Variants in STK32B observed in about 807,000 individuals in gnomAD.
STK32B encodes serine/threonine kinase 32B.
Under a neutral mutation model 52.6 loss-of-function variants are expected in STK32B, and 43 were observed. The observed-to-expected ratio is 0.82, with a 90% CI of 0.64 to 1.05. STK32B has a LOEUF of 1.05. Among genes scored for constraint, STK32B ranks in the 50% least tolerant of loss-of-function variants. The probability of loss-of-function intolerance (pLI) is 0.00; values close to 1 mark genes in which losing one functional copy is unlikely to be tolerated. For synonymous variants in STK32B, 238 were observed against 204.3 expected (o/e 1.17, Z -1.41); for missense variants, 621 against 534.6 (o/e 1.16, Z -1.59).
intron 2 of STK32B, among the ~76,000 whole-genome samples, chr4:5,154,867 G>T (rs1717668888): frequency 6.6e-6 from 1 of 152,156 alleles, no homozygotes; most frequent in South Asian, 2.1e-4. Context: ...GCAACTCTTG[G>T]TCTAGACAGC....
At chr4:5,321,039 T>G (rs1731453056) in intron 3 of STK32B, among the ~76,000 whole-genome samples, 1 of 152,104 alleles carries the variant, frequency 6.6e-6, no homozygotes, top group South Asian at 2.1e-4. Context: ...GGGAAGGGTC[T>G]TTGAGAGAGT....
intron 2 of STK32B, among the ~76,000 whole-genome samples, chr4:5,159,667 G>GTATATGAATATATATATGAATA (rs1560186234): frequency 4.0e-5 from 1 of 24,900 alleles, no homozygotes; most frequent in Non-Finnish European, 8.0e-5. Flanking sequence ...ATATATGAAT[G>GTATATGAATATATATATGAATA]TATATGAATA....
chr4:5,367,516 C>T (rs890709907), intron 4 of STK32B, among the ~76,000 whole-genome samples: 3 of 151,998 alleles, frequency 2.0e-5, no homozygotes, highest in Non-Finnish European at 4.4e-5. Flanking sequence ...GTAGAAAGGA[C>T]GGGTATGTGA....
chr4:5,127,930 A>C (rs571584700), intron 1 of STK32B, among the ~76,000 whole-genome samples: 1 of 152,134 alleles, frequency 6.6e-6, no homozygotes, highest in African/African-American at 2.4e-5. Context: ...CCCCTACACG[A>C]GCTCTCTTGC....
chr4:5,290,685 G>C (rs1312179101), intron 3 of STK32B, among the ~76,000 whole-genome samples: 1 of 151,930 alleles, frequency 6.6e-6, no homozygotes, highest in Non-Finnish European at 1.5e-5. Context: ...TGAATGTGCA[G>C]GTTATGAATT....
At chr4:5,131,961 G>A (rs897336671) in intron 1 of STK32B, among the ~76,000 whole-genome samples, 1 of 119,006 alleles carries the variant, frequency 8.4e-6, no homozygotes, top group Non-Finnish European at 1.8e-5. Context: ...TTTGAGATGG[G>A]GGAGAGCATC....
rs576391512 is a variant in STK32B at position 5,070,230 on chromosome 4, G to A, written c.52+18315G>A. The stretch of plus-strand genomic sequence containing the variant: ...CTACCTGTCAGGAAGGCAGAGGCCC[G>A]TTCTTAGAAGTCTGACTCTGGCAAG... On this transcript the variant is annotated intron_variant, in intron 1 of 11. Coordinates refer to ENST00000282908, the MANE Select transcript of STK32B (RefSeq NM_018401.3). 6.6e-5 allele frequency among the ~76,000 whole-genome samples: 10 copies of A among 152,280 alleles called. No homozygotes were observed. In the South Asian group the frequency reaches 1.2e-3, roughly 19 times the overall value.
chr4:5,203,370 T>C (rs1218184096), intron 3 of STK32B, among the ~76,000 whole-genome samples: 1 of 152,084 alleles, frequency 6.6e-6, no homozygotes, highest in Non-Finnish European at 1.5e-5. Flanking sequence ...TCTATTCCCC[T>C]TCCCTCAAAT....
At chr4:5,410,017 A>G (rs1208754111) in intron 5 of STK32B, among the ~76,000 whole-genome samples, 2 of 152,102 alleles carry the variant, frequency 1.3e-5, no homozygotes, top group Admixed American at 6.5e-5. Flanking sequence ...TCCTTTTACC[A>G]TTGTCCTGTG....
rs1375355541 is a variant in STK32B, at chr4:5,262,341, T to C, written c.261-68879T>C. On this transcript the variant is annotated intron_variant, in intron 3 of 11. Coordinates refer to ENST00000282908, the MANE Select transcript of STK32B (RefSeq NM_018401.3). The stretch of plus-strand genomic sequence containing the variant: ...TCTACACAGCCATTAAAAATGGCAG[T>C]GTGTGCCGGGCGCAGTGGCTCACAC... Among the ~76,000 whole-genome samples, 8 of 152,092 alleles carry C rather than the reference T, an allele frequency of 5.3e-5. No individual in the cohort carries two copies. In the East Asian group the frequency reaches 1.4e-3, roughly 26 times the overall value.
chr4:5,362,435 G>A (rs185640963), intron 4 of STK32B, among the ~76,000 whole-genome samples: 30 of 152,260 alleles, frequency 2.0e-4, no homozygotes, highest in African/African-American at 6.5e-4. Flanking sequence ...TAATTGATGC[G>A]CCTTTGGATA....
intron 3 of STK32B, among the ~76,000 whole-genome samples, chr4:5,193,433 A>G (rs553031317): frequency 8.5e-5 from 13 of 152,354 alleles, no homozygotes; most frequent in Admixed American, 3.9e-4. Context: ...CCTTTAGCAG[A>G]GGAGTCAGTA....
At chr4:5,245,669 G>A (rs1288291858) in intron 3 of STK32B, among the ~76,000 whole-genome samples, 3 of 152,100 alleles carry the variant, frequency 2.0e-5, no homozygotes, top group Non-Finnish European at 2.9e-5. Flanking sequence ...TCCTAGCCTC[G>A]ATGGTCTTTA....
chr4:5,357,977 G>A (rs181093400), intron 4 of STK32B, among the ~76,000 whole-genome samples: 6 of 152,292 alleles, frequency 3.9e-5, no homozygotes, highest in East Asian at 1.9e-4. Flanking sequence ...TGGAAGACAT[G>A]CAGATGTGTC....
intron 6 of STK32B, chr4:5,437,916 T>C: frequency 1.0e-6 from 1 of 985,424 alleles, no homozygotes; most frequent in Non-Finnish European, 1.2e-6. Context: ...AATATTGTTG[T>C]GTTCTACCAT....
the STK32B span, among the ~76,000 whole-genome samples, chr4:5,027,565 G>A: frequency 6.6e-6 from 1 of 152,118 alleles, no homozygotes; most frequent in Admixed American, 6.5e-5. Flanking sequence ...TTTGATGTGG[G>A]GTTTATACCA....
At chr4:5,242,204 GTGT>G (rs1406908380) in intron 3 of STK32B, among the ~76,000 whole-genome samples, 3 of 152,204 alleles carry the variant, frequency 2.0e-5, no homozygotes, top group Non-Finnish European at 4.4e-5. Flanking sequence ...CAGTGTATAA[GTGT>G]TCCTATTTCT....
At chr4:5,275,155 C>T (rs756196349) in intron 3 of STK32B, among the ~76,000 whole-genome samples, 1 of 152,118 alleles carries the variant, frequency 6.6e-6, no homozygotes, top group Admixed American at 6.5e-5. Flanking sequence ...TTGGAAGTGG[C>T]CTGCCACCAT....
At chr4:5,098,951 T>C (rs921182663) in intron 1 of STK32B, among the ~76,000 whole-genome samples, 1 of 152,196 alleles carries the variant, frequency 6.6e-6, no homozygotes. Context: ...CAAACTGCCA[T>C]CTCCAGTGGC....
Sources: gnomAD v4.1 joint callset for allele counts (sites outside exome capture counted in the v4.1 genomes callset) on GRCh38, gnomAD v4.1.1 for gene constraint, MANE v1.5 for transcripts, NCBI Gene and HGNC (gene_info 2026-07-23, HGNC 2026-07-21) for gene names.